Variants in APOF observed in about 807,000 individuals in gnomAD.
APOF encodes lipid transfer inhibitor protein.
Under a neutral mutation model 2.4 loss-of-function variants are expected in APOF, and 2 were observed. The observed-to-expected ratio is 0.83, with a 90% CI of 0.34 to 2.61. The LOEUF (loss-of-function observed/expected upper bound fraction) is 2.61. Ranked by LOEUF, APOF falls within the 30% of genes most tolerant of loss-of-function variation. The pLI is 0.11. For missense variants in APOF, 370 were observed against 388.7 expected, an observed-to-expected ratio of 0.95 and a Z score of 0.40; for synonymous variants, 149 against 155.6, an observed-to-expected ratio of 0.96 and a Z score of 0.32.
chr12:56,360,747 A>G lies in APOF; in HGVS notation c.*478T>C. The G allele has an allele frequency of 6.2e-6, 1 of 160,646 alleles. No individual in the cohort carries two copies. The highest frequency in any genetic ancestry group is 1.4e-5 in the Non-Finnish European group (1 of 73,004). The allele number at this position is 160,646 out of a possible 1,614,324, so 10.0% of individuals were successfully genotyped here. A position where few individuals can be genotyped will look rare whatever the true frequency, so the allele number is the denominator to read the frequency against. On this transcript the variant is annotated 3_prime_UTR_variant, in exon 2 of 2. Coordinates refer to ENST00000398189, the MANE Select transcript of APOF (RefSeq NM_001638.4). ...TACAAGCGTGCATAACTCCGCCAGGATAATTTTTTGTATTTATTGTAGAGA... is the reference window on the plus strand; with the variant it reads ...TACAAGCGTGCATAACTCCGCCAGGGTAATTTTTTGTATTTATTGTAGAGA...
Position 56,360,987 on chromosome 12 carries a change from T to C in APOF, c.*238A>G. 1 of 547,936 alleles carries C rather than the reference T, an allele frequency of 1.8e-6. No homozygotes were observed. The highest frequency in any genetic ancestry group is 3.2e-6 in the Non-Finnish European group (1 of 310,950). 33.9% of individuals were successfully genotyped at this position (547,936 alleles called of 1,614,324 possible). The stretch of plus-strand genomic sequence containing the variant: ...GAGGTTAAAATCATTCTATCTCCTT[T>C]AGAAACTTCAAAACTGATCTTAGTT... On this transcript the variant is annotated 3_prime_UTR_variant, in exon 2 of 2. Transcript: ENST00000398189.
chr12:56,361,663 A>T lies in APOF; in HGVS notation c.543T>A (p.Asn181Lys). The change falls in exon 2 of 2, where the codon AAT (asparagine) becomes AAA (lysine). Residue 181 changes from asparagine (N) to lysine (K), a missense_variant. Physicochemically the swap from Asn to Lys is moderately conservative, Grantham distance 94. Coordinates refer to ENST00000398189, the MANE Select transcript of APOF (RefSeq NM_001638.4). ...CENEKEQAVH[N>K]VVQLLPGVGT... is the part of the protein sequence containing the mutation. ...CCACTCCTGGCAGCAGCTGGACTAC[A>T]TTGTGCACAGCTTGCTCCTTCTCAT... 1 of 1,612,524 alleles carries T rather than the reference A, an allele frequency of 6.2e-7. No individual in the cohort carries two copies. Among genetic ancestry groups the T allele is most frequent in the Non-Finnish European group, 8.5e-7 (1 of 1,179,302 alleles).
At position 56,361,903 on chromosome 12, in the gene APOF, C is replaced by T; in HGVS notation, c.303G>A (p.Gln101=). 6.2e-7 allele frequency: 1 copy of T among 1,613,986 alleles called. No individual in the cohort carries two copies. Among genetic ancestry groups the T allele is most frequent in the Non-Finnish European group, 8.5e-7 (1 of 1,179,860 alleles). ...LRNALEEAGC[Q]ADVWALQLQL... Reference sequence around the variant, plus strand: ...GTAGCTGTAGAGCCCAAACATCAGCCTGACAACCAGCTTCCTCCAGGGCAT... The same window carrying T: ...GTAGCTGTAGAGCCCAAACATCAGCTTGACAACCAGCTTCCTCCAGGGCAT... The change falls in exon 2 of 2, where the codon CAG becomes CAA. Residue 101 remains glutamine (Q), a synonymous_variant. Coordinates refer to ENST00000398189, the MANE Select transcript of APOF (RefSeq NM_001638.4).
chr12:56,361,142 G>A lies in APOF; in HGVS notation c.*83C>T. ...GTTTTACTGTACAGCCTTCCTCCTG[G>A]ATAAATCAGATTAAAATTTTGAAGA... On this transcript the variant is annotated 3_prime_UTR_variant, in exon 2 of 2. Transcript: ENST00000398189. The A allele has an allele frequency of 6.8e-7, 1 of 1,469,312 alleles. No individual in the cohort carries two copies. Among genetic ancestry groups the A allele is most frequent in the Admixed American group, 2.2e-5 (1 of 46,470 alleles). The allele number at this position is 1,469,312 out of a possible 1,614,324, so 91.0% of individuals were successfully genotyped here. A position where few individuals can be genotyped will look rare whatever the true frequency, so the allele number is the denominator to read the frequency against.
In APOF at chr12:56,361,356, C is replaced by T. The variant is rs767537088; in HGVS notation, c.850G>A (p.Val284Met). 1.9e-6 allele frequency: 3 copies of T among 1,614,074 alleles called. No homozygotes were observed. Among genetic ancestry groups the T allele is most frequent in the Non-Finnish European group, 2.5e-6 (3 of 1,179,896 alleles). The change falls in exon 2 of 2, where the codon GTG becomes ATG. Residue 284 changes from valine to methionine, a missense_variant. By Grantham distance (21) the Val-to-Met change is conservative. Transcript: ENST00000398189. Reference sequence around the variant, plus strand: ...GTAGTTGTTTCTTCCAAGTCACTCACATCTGAGATGGCCCTCAAACCCTCC... The same window carrying T: ...GTAGTTGTTTCTTCCAAGTCACTCATATCTGAGATGGCCCTCAAACCCTCC... ...TKEGLRAISD[V>M]SDLEETTTLA...
In APOF at chr12:56,361,061, G is replaced by C; in HGVS notation, c.*164C>G. The C allele has an allele frequency of 1.4e-6, 1 of 731,766 alleles. No homozygotes were observed. The allele number at this position is 731,766 out of a possible 1,614,324, so 45.3% of individuals were successfully genotyped here. A position where few individuals can be genotyped will look rare whatever the true frequency, so the allele number is the denominator to read the frequency against. On this transcript the variant is annotated 3_prime_UTR_variant, in exon 2 of 2. Transcript: ENST00000398189. ...GATCACCGAGGCTCTAACAAGTGGAGCCTAGATTCGAAACCAAACCCTGTG... is the reference window on the plus strand; with the variant it reads ...GATCACCGAGGCTCTAACAAGTGGACCCTAGATTCGAAACCAAACCCTGTG...
chr12:56,361,336 T>C lies in APOF; in HGVS notation c.870A>G (p.Thr290=), dbSNP rs11575218. The change falls in exon 2 of 2, where the codon ACA becomes ACG. Residue 290 remains threonine, a synonymous_variant. Coordinates refer to ENST00000398189, the MANE Select transcript of APOF (RefSeq NM_001638.4). Reference sequence around the variant, plus strand: ...CTGATATGAAAGAAGCCAGAGTAGTTGTTTCTTCCAAGTCACTCACATCTG... The same window carrying C: ...CTGATATGAAAGAAGCCAGAGTAGTCGTTTCTTCCAAGTCACTCACATCTG... The part of the protein sequence containing the change: ...AISDVSDLEE[T]TTLASFISEV... The C allele has an allele frequency of 0.013, 20,593 of 1,613,968 alleles. 1,843 individuals carry two copies. In the African/African-American group the frequency reaches 0.22, roughly 17 times the overall value.
In APOF at chr12:56,361,040, A is replaced by G; in HGVS notation, c.*185T>C. 1 of 629,114 alleles carries G rather than the reference A, an allele frequency of 1.6e-6. No individual in the cohort carries two copies. Among genetic ancestry groups the G allele is most frequent in the Non-Finnish European group, 2.7e-6 (1 of 368,276 alleles). 39.0% of individuals were successfully genotyped at this position (629,114 alleles called of 1,614,324 possible). A position where few individuals can be genotyped will look rare whatever the true frequency, so the allele number is the denominator to read the frequency against. The stretch of plus-strand genomic sequence containing the variant: ...AGAAAGAAGTTACTATTCAGTGATC[A>G]CCGAGGCTCTAACAAGTGGAGCCTA... On this transcript the variant is annotated 3_prime_UTR_variant, in exon 2 of 2. Coordinates refer to ENST00000398189, the MANE Select transcript of APOF (RefSeq NM_001638.4).
At chr12:56,362,281 C>T (rs1447511516) in intron 1 of APOF, 92 bp from the exon 2 acceptor site, 10 of 1,434,190 alleles carry the variant, frequency 7.0e-6, no homozygotes, top group African/African-American at 1.4e-5. Context: ...TCATACATCA[C>T]CTGCTTCCAA....
At position 56,361,117 on chromosome 12, in the gene APOF, G is replaced by A. The variant is rs188464998; in HGVS notation, c.*108C>T. 618 of 1,340,262 alleles carry A rather than the reference G, an allele frequency of 4.6e-4. 6 individuals are homozygous for A. The African/African-American group carries it at 8.7e-3, about 19-fold the overall frequency. 83.0% of individuals were successfully genotyped at this position (1,340,262 alleles called of 1,614,324 possible). ...AACACCCAAACATTTACGTTCTTAC[G>A]TTTTACTGTACAGCCTTCCTCCTGG... On this transcript the variant is annotated 3_prime_UTR_variant, in exon 2 of 2. Coordinates refer to ENST00000398189, the MANE Select transcript of APOF (RefSeq NM_001638.4).
Position 56,361,238 on chromosome 12 carries a change from C to A in APOF, c.968G>T (p.Ser323Ile), listed in dbSNP as rs1258354550. ...KSYDLDPGAG[S>I]LEI ...TACCACATTCTTTTATATCTCAAGA[C>A]TCCCAGCCCCAGGATCTAAGTCATA... Residue 323 changes from serine to isoleucine, a missense_variant, in exon 2 of 2, where the codon AGT (serine) becomes ATT (isoleucine). By Grantham distance (142) the Ser-to-Ile change is moderately radical. Coordinates refer to ENST00000398189, the MANE Select transcript of APOF (RefSeq NM_001638.4). The A allele has an allele frequency of 2.5e-6, 4 of 1,613,130 alleles. No individual in the cohort carries two copies. In the East Asian group the frequency reaches 8.9e-5, roughly 36 times the overall value.
rs1284605640 is a variant in APOF, at chr12:56,361,741, C to T, written c.465G>A (p.Glu155=). ...LASALQLLAR[E]QQSTGRVGRS... ...GCCCGACCCTTCCTGTGCTTTGCTG[C>T]TCCCTGGCTAACAGCTGCAGAGCAG... Residue 155 remains glutamate (E), a synonymous_variant, in exon 2 of 2, where the codon GAG becomes GAA. Transcript: ENST00000398189. The T allele has an allele frequency of 6.2e-7, 1 of 1,609,346 alleles. No individual in the cohort carries two copies.
In APOF at chr12:56,362,828, A is replaced by G; in HGVS notation, c.-83T>C. On this transcript the variant is annotated 5_prime_UTR_variant, in exon 1 of 2. Coordinates refer to ENST00000398189, the MANE Select transcript of APOF (RefSeq NM_001638.4). ...TCTGTGTCCCATGAGGAAAGGAGAT[A>G]TTTGCTTTCCCCTATGATCAGTGAA... The G allele has an allele frequency of 6.6e-7, 1 of 1,520,200 alleles. No individual in the cohort carries two copies. The highest frequency in any genetic ancestry group is 9.1e-7 in the Non-Finnish European group (1 of 1,100,240). The allele number at this position is 1,520,200 out of a possible 1,614,324, so 94.2% of individuals were successfully genotyped here. A position where few individuals can be genotyped will look rare whatever the true frequency, so the allele number is the denominator to read the frequency against.
In APOF at chr12:56,361,947, C is replaced by T; in HGVS notation, c.259G>A (p.Val87Ile). 1.9e-6 allele frequency: 3 copies of T among 1,614,016 alleles called. No homozygotes were observed. The highest frequency in any genetic ancestry group is 2.5e-6 in the Non-Finnish European group (3 of 1,179,884). The change falls in exon 2 of 2, where the codon GTA becomes ATA. Residue 87 changes from valine (V) to isoleucine (I), a missense_variant. Val to Ile is a conservative substitution (Grantham distance 29). Coordinates refer to ENST00000398189, the MANE Select transcript of APOF (RefSeq NM_001638.4). ...AGGGCATTCCTTAGAGCCAGGCTTA[C>T]CAAGAACTTGGGTAGAGGGGCCATG... ...SHMAPLPKFLVSLALRNALEE... is the reference protein window; with the variant it reads ...SHMAPLPKFLISLALRNALEE...
rs762378467 is a variant in APOF, at chr12:56,361,930, C to G, written c.276G>C (p.Arg92Ser). The G allele has an allele frequency of 3.1e-6, 5 of 1,614,000 alleles. No individual in the cohort carries two copies. The South Asian group carries it at 5.5e-5, about 18-fold the overall frequency. ...GACAACCAGCTTCCTCCAGGGCATTCCTTAGAGCCAGGCTTACCAAGAACT... is the reference window on the plus strand; with the variant it reads ...GACAACCAGCTTCCTCCAGGGCATTGCTTAGAGCCAGGCTTACCAAGAACT... ...LPKFLVSLAL[R>S]NALEEAGCQA... The change falls in exon 2 of 2, where the codon AGG becomes AGC. Residue 92 changes from arginine (R) to serine (S), a missense_variant. Transcript: ENST00000398189.
chr12:56,362,155 G>A lies in APOF; in HGVS notation c.51C>T (p.Leu17=). ...YSAPDMRGLR[L]IMIPVELLLC... Reference sequence around the variant, plus strand: ...GTAGCAGCTCAACTGGTATCATGATGAGTCTGAGGCCACGCATGTCTGGAG... The same window carrying A: ...GTAGCAGCTCAACTGGTATCATGATAAGTCTGAGGCCACGCATGTCTGGAG... The change falls in exon 2 of 2, where the codon CTC becomes CTT. Residue 17 remains leucine, a synonymous_variant. Transcript: ENST00000398189. The A allele has an allele frequency of 1.9e-6, 3 of 1,613,604 alleles. No homozygotes were observed. Among genetic ancestry groups the A allele is most frequent in the Non-Finnish European group, 2.5e-6 (3 of 1,179,884 alleles).
At chr12:56,362,468 A>AT (rs924765651) in intron 1 of APOF, among the ~76,000 whole-genome samples, 4 of 151,906 alleles carry the variant, frequency 2.6e-5, no homozygotes, top group Admixed American at 1.3e-4. Context: ...TAATTTTTAA[A>AT]TTTTTTGTAG....
Position 56,361,654 on chromosome 12 carries a change from C to T in APOF, c.552G>A (p.Gln184=), listed in dbSNP as rs1480255662. The change falls in exon 2 of 2, where the codon CAG becomes CAA. Residue 184 remains glutamine, a synonymous_variant. Transcript: ENST00000398189. ...AGAAGGTTCCCACTCCTGGCAGCAG[C>T]TGGACTACATTGTGCACAGCTTGCT... ...EKEQAVHNVV[Q]LLPGVGTFYN... 6.2e-7 allele frequency: 1 copy of T among 1,612,984 alleles called. No individual in the cohort carries two copies. The highest frequency in any genetic ancestry group is 1.1e-5 in the South Asian group (1 of 90,900).
chr12:56,361,091 C>T lies in APOF; in HGVS notation c.*134G>A. On this transcript the variant is annotated 3_prime_UTR_variant, in exon 2 of 2. Transcript: ENST00000398189. ...GATTCGAAACCAAACCCTGTGACTTCAACACCCAAACATTTACGTTCTTAC... is the reference window on the plus strand; with the variant it reads ...GATTCGAAACCAAACCCTGTGACTTTAACACCCAAACATTTACGTTCTTAC... 1 of 1,123,908 alleles carries T rather than the reference C, an allele frequency of 8.9e-7. No homozygotes were observed. Among genetic ancestry groups the T allele is most frequent in the Non-Finnish European group, 1.2e-6 (1 of 812,584 alleles). The allele number at this position is 1,123,908 out of a possible 1,614,324, so 69.6% of individuals were successfully genotyped here.
Sources: allele counts gnomAD v4.1 joint callset (sites outside exome capture counted in the v4.1 genomes callset), GRCh38; gene constraint gnomAD v4.1.1; transcripts MANE v1.5; gene names NCBI Gene and HGNC (gene_info 2026-07-23, HGNC 2026-07-21).